Variants in APP observed in about 807,000 individuals in gnomAD.
The protein encoded by APP is amyloid-beta precursor protein.
A neutral mutation model predicts 101.4 loss-of-function variants in APP; 31 were observed. The ratio of observed to expected loss-of-function variants is 0.31; its 90% CI spans 0.23 to 0.41. APP has a LOEUF of 0.41. APP is among the 10% of genes least tolerant of loss of function. The probability of loss-of-function intolerance (pLI) is 1.00; values close to 1 mark genes in which losing one functional copy is unlikely to be tolerated. For missense variants in APP, 839 were observed against 1,003.7 expected (o/e 0.84, Z 2.22); for synonymous variants, 366 against 364.4 (o/e 1.00, Z -0.05).
At chr21:26,124,599 T>G (rs1569003656) in intron 1 of APP, among the ~76,000 whole-genome samples, 1 of 152,234 alleles carries the variant, frequency 6.6e-6, no homozygotes, top group Non-Finnish European at 1.5e-5. Flanking sequence ...AAGCCTTCAG[T>G]AGCACAGAAC....
At chr21:26,033,474 T>C (rs2044939246) in intron 5 of APP, among the ~76,000 whole-genome samples, 2 of 152,216 alleles carry the variant, frequency 1.3e-5, no homozygotes, top group South Asian at 2.1e-4. Flanking sequence ...TATATCTTTA[T>C]AGCAGTGTGA....
chr21:25,882,517 G>C (rs2037057825), intron 17 of APP, among the ~76,000 whole-genome samples: 1 of 151,460 alleles, frequency 6.6e-6, no homozygotes, highest in African/African-American at 2.4e-5. Flanking sequence ...CTAAGGTCAG[G>C]CCAGTAACTG....
At chr21:25,955,886 C>G in intron 11 of APP, 131 bp from the exon 12 acceptor site, 1 of 1,336,390 alleles carries the variant, frequency 7.5e-7, no homozygotes, top group Non-Finnish European at 1.1e-6. Flanking sequence ...TTTTGCAGGT[C>G]TGCCTTCTAA....
At chr21:25,977,588 T>C (rs535947180) in intron 9 of APP, among the ~76,000 whole-genome samples, 1 of 152,368 alleles carries the variant, frequency 6.6e-6, no homozygotes, top group South Asian at 2.1e-4. Context: ...ACAGATTTTA[T>C]TGTCCATTGG....
chr21:25,881,604 T>C lies in APP; in HGVS notation c.*66A>G. On this transcript the variant is annotated 3_prime_UTR_variant, in exon 18 of 18. Transcript: ENST00000346798. ...GTTTCTTCCCACATTATTCTATAAA[T>C]GGACACCGATGGGTAGTGAAGCAAT... The C allele has an allele frequency of 6.6e-7, 1 of 1,519,612 alleles. No individual in the cohort carries two copies. Among genetic ancestry groups the C allele is most frequent in the Non-Finnish European group, 9.1e-7 (1 of 1,094,970 alleles). 94.1% of individuals were successfully genotyped at this position (1,519,612 alleles called of 1,614,324 possible).
chr21:25,921,099 G>C (rs2039613192), intron 13 of APP, among the ~76,000 whole-genome samples: 1 of 143,184 alleles, frequency 7.0e-6, no homozygotes, highest in Non-Finnish European at 1.5e-5. Flanking sequence ...CAACTACATG[G>C]AAACTGAACA....
chr21:26,130,620 GA>G (rs1241028788), intron 1 of APP, among the ~76,000 whole-genome samples: 1 of 152,208 alleles, frequency 6.6e-6, no homozygotes, highest in East Asian at 1.9e-4. Flanking sequence ...AGATATTCAT[GA>G]CATTTCCTAA....
intron 1 of APP, among the ~76,000 whole-genome samples, chr21:26,135,240 A>T (rs2062870653): frequency 6.6e-6 from 1 of 152,232 alleles, no homozygotes; most frequent in South Asian, 2.1e-4. Flanking sequence ...GCTGGCTAAC[A>T]TGATTATCTA....
At chr21:26,091,877 G>A (rs1391407130) in intron 2 of APP, among the ~76,000 whole-genome samples, 1 of 152,230 alleles carries the variant, frequency 6.6e-6, no homozygotes, top group Non-Finnish European at 1.5e-5. Context: ...AGGAGAAGTA[G>A]TGCCTTCCTT....
chr21:26,122,387 A>T (rs1427780088), intron 1 of APP, among the ~76,000 whole-genome samples: 5 of 152,202 alleles, frequency 3.3e-5, no homozygotes, highest in Non-Finnish European at 7.3e-5. Flanking sequence ...GACCCTTACC[A>T]AAATGCTAAT....
At position 26,062,209 on chromosome 21, in the gene APP, CA is replaced by C. The variant is rs1174279421; in HGVS notation, c.356-8862del. On this transcript the variant is annotated intron_variant, in intron 3 of 17. Coordinates refer to ENST00000346798, the MANE Select transcript of APP (RefSeq NM_000484.4). ...TGGGTGACAGAGCGAGACTCTGTCT[CA>C]AAAAACAAACAAACAAACAAACACA... Among the ~76,000 whole-genome samples, 348 of 129,246 alleles carry C rather than the reference CA, an allele frequency of 2.7e-3. 2 individuals are homozygous for C. Among genetic ancestry groups the C allele is most frequent in the Middle Eastern group, 0.012 (3 of 260 alleles). 84.8% of individuals were successfully genotyped at this position (129,246 alleles called of 152,430 possible).
chr21:26,007,490 T>C (rs1159959200), intron 6 of APP, among the ~76,000 whole-genome samples: 1 of 148,136 alleles, frequency 6.8e-6, no homozygotes, highest in African/African-American at 2.4e-5. Context: ...TATAATACAA[T>C]ATACAATTTA....
At chr21:25,930,789 C>A (rs779992158) in intron 13 of APP, among the ~76,000 whole-genome samples, 10 of 152,202 alleles carry the variant, frequency 6.6e-5, no homozygotes, top group South Asian at 2.1e-4. Flanking sequence ...GTGAACAATT[C>A]TAGATATAGC....
At chr21:25,969,912 A>AGGGGG (rs2041956242) in intron 11 of APP, among the ~76,000 whole-genome samples, 1 of 114,252 alleles carries the variant, frequency 8.8e-6, no homozygotes, top group Non-Finnish European at 1.8e-5. Flanking sequence ...AGAAGAGGGG[A>AGGGGG]GGGGAAGAGA....
intron 11 of APP, among the ~76,000 whole-genome samples, chr21:25,972,806 TG>T (rs1568787613): frequency 1.3e-5 from 2 of 151,228 alleles, no homozygotes; most frequent in South Asian, 2.1e-4. Context: ...TGGGTAAACA[TG>T]TTGTTTTTTT....
chr21:25,969,183 C>CAA (rs61030033), intron 11 of APP, among the ~76,000 whole-genome samples: 4,449 of 134,260 alleles, frequency 0.033, 193 homozygotes, highest in African/African-American at 0.11. Flanking sequence ...ACTAAAAATA[C>CAA]AAAAAAAAAA....
intron 11 of APP, among the ~76,000 whole-genome samples, chr21:25,965,770 C>T (rs963314888): frequency 1.3e-5 from 2 of 152,152 alleles, no homozygotes; most frequent in African/African-American, 2.4e-5. Flanking sequence ...AGGTGAATAA[C>T]TACTGGATCT....
chr21:26,085,700 A>C (rs2061689431), intron 3 of APP, among the ~76,000 whole-genome samples: 4 of 152,248 alleles, frequency 2.6e-5, no homozygotes, highest in Non-Finnish European at 5.9e-5. Context: ...AAAATGTCAC[A>C]GTATTCAAAT....
At chr21:26,082,339 T>C (rs1394328954) in intron 3 of APP, among the ~76,000 whole-genome samples, 2 of 152,320 alleles carry the variant, frequency 1.3e-5, no homozygotes, top group African/African-American at 4.8e-5. Context: ...AAAACTCTTA[T>C]TAAAATATAG....
Sources: allele counts gnomAD v4.1 joint callset (sites outside exome capture counted in the v4.1 genomes callset), GRCh38; gene constraint gnomAD v4.1.1; transcripts MANE v1.5; gene names NCBI Gene and HGNC (gene_info 2026-07-23, HGNC 2026-07-21).